Variants in JAKMIP3 observed in about 807,000 individuals in gnomAD.
JAKMIP3 encodes Janus kinase and microtubule interacting protein 3, also known as janus kinase and microtubule-interacting protein 3.
A neutral mutation model predicts 118.5 loss-of-function variants in JAKMIP3; 58 were observed. That is an observed-to-expected ratio of 0.49 (90% CI 0.40 to 0.61). The LOEUF (loss-of-function observed/expected upper bound fraction) is 0.61. Ranked by LOEUF, JAKMIP3 falls within the 20% of genes least tolerant of loss-of-function variation. JAKMIP3 has a pLI of 0.00. For synonymous variants in JAKMIP3, 486 were observed against 451.2 expected (o/e 1.08, Z -0.98); for missense variants, 950 against 1,109.0 (o/e 0.86, Z 2.04).
At chr10:132,045,560 G>A (rs2037883323) in intron 1 of JAKMIP3, among the ~76,000 whole-genome samples, 1 of 152,174 alleles carries the variant, frequency 6.6e-6, no homozygotes. Context: ...TGTCGAGAGG[G>A]AAGTGTACTG....
rs772668322 is a variant in JAKMIP3, at chr10:132,163,278, C to G, written c.2290C>G (p.Leu764Val). The change falls in exon 20 of 24, where the codon CTG becomes GTG. Residue 764 changes from leucine (L) to valine (V), a missense_variant. Coordinates refer to ENST00000684848, the MANE Select transcript of JAKMIP3 (RefSeq NM_001323087.2). ...GGAGGCCGGGGCTAAGGTGGCTGAG[C>G]TGCTGTCAGAGGAGGAGCGCGAGAA... is the stretch of plus-strand genomic sequence containing the variant. ...QQEAGAKVAE[L>V]LSEEEREKLK... is the part of the protein sequence containing the mutation. 1.3e-6 allele frequency: 2 copies of G among 1,596,268 alleles called. No homozygotes were observed. Among genetic ancestry groups the G allele is most frequent in the Non-Finnish European group, 8.5e-7 (1 of 1,172,446 alleles).
Position 132,109,133 on chromosome 10 carries a change from C to T in JAKMIP3, c.135+4190C>T, listed in dbSNP as rs866091310. Among the ~76,000 whole-genome samples the T allele has an allele frequency of 2.5e-3, 293 of 117,240 alleles. 2 individuals carry two copies. Among genetic ancestry groups the T allele is most frequent in the African/African-American group, 8.4e-3 (275 of 32,680 alleles). The allele number at this position is 117,240 out of a possible 152,430, so 76.9% of individuals were successfully genotyped here. A position where few individuals can be genotyped will look rare whatever the true frequency, so the allele number is the denominator to read the frequency against. ...ACACACATATATATATACACACACA[C>T]ATATATATATATATACACACACATA... On this transcript the variant is annotated intron_variant, in intron 2 of 23. Coordinates refer to ENST00000684848, the MANE Select transcript of JAKMIP3 (RefSeq NM_001323087.2).
intron 1 of JAKMIP3, among the ~76,000 whole-genome samples, chr10:132,043,900 G>A (rs1192709545): frequency 2.0e-5 from 3 of 152,236 alleles, no homozygotes; most frequent in African/African-American, 7.2e-5. Flanking sequence ...GCTAGGAATT[G>A]AATCAAGTTG....
At chr10:132,139,687 C>T (rs1351117315) in intron 9 of JAKMIP3, among the ~76,000 whole-genome samples, 1 of 152,174 alleles carries the variant, frequency 6.6e-6, no homozygotes, top group African/African-American at 2.4e-5. Flanking sequence ...CGCCTTGGCC[C>T]TGTGAAGGGA....
In JAKMIP3 at chr10:132,163,272, G is replaced by A. The variant is rs1188073492; in HGVS notation, c.2284G>A (p.Ala762Thr). The change falls in exon 20 of 24, where the codon GCT becomes ACT. Residue 762 changes from alanine (A) to threonine (T), a missense_variant. Physicochemically the swap from Ala to Thr is moderately conservative, Grantham distance 58 (BLOSUM62 0). Transcript: ENST00000684848. ...ALQQEAGAKVAELLSEEEREK... is the reference protein window; with the variant it reads ...ALQQEAGAKVTELLSEEEREK... The stretch of plus-strand genomic sequence containing the variant: ...GCAGCAGGAGGCCGGGGCTAAGGTG[G>A]CTGAGCTGCTGTCAGAGGAGGAGCG... 1 of 1,593,098 alleles carries A rather than the reference G, an allele frequency of 6.3e-7. No individual in the cohort carries two copies. Among genetic ancestry groups the A allele is most frequent in the Non-Finnish European group, 8.5e-7 (1 of 1,170,862 alleles).
Position 132,113,911 on chromosome 10 carries a change from G to A in JAKMIP3, c.136-3166G>A, listed in dbSNP as rs1368847432. On this transcript the variant is annotated intron_variant, in intron 2 of 23. Transcript: ENST00000684848. ...CGTGTGTGAGCCTGTGTCATAGACA[G>A]CGTTACTGTCCCGTCCTTCGCCTCT... Among the ~76,000 whole-genome samples the A allele has an allele frequency of 2.6e-5, 4 of 152,248 alleles. No individual in the cohort carries two copies. In the South Asian group the frequency reaches 8.3e-4, roughly 31 times the overall value.
intron 2 of JAKMIP3, among the ~76,000 whole-genome samples, chr10:132,116,048 C>T (rs2047593047): frequency 6.6e-6 from 1 of 152,240 alleles, no homozygotes. Flanking sequence ...ACCCCCACAG[C>T]GTGTCCTCCC....
rs376023011 is a variant in JAKMIP3 at position 132,153,823 on chromosome 10, A to G, written c.2138A>G (p.Glu713Gly). Reference sequence around the variant, plus strand: ...CGGAAGATGGTGGATCTGGAGAGCGAGAAGGTTGGTGGCACCTTCACCGAG... The same window carrying G: ...CGGAAGATGGTGGATCTGGAGAGCGGGAAGGTTGGTGGCACCTTCACCGAG... ...LQRKMVDLES[E>G]KELFSKQKGY... The change falls in exon 18 of 24, where the codon GAG becomes GGG. Residue 713 changes from glutamate (E) to glycine (G), a missense_variant. Coordinates refer to ENST00000684848, the MANE Select transcript of JAKMIP3 (RefSeq NM_001323087.2). The G allele has an allele frequency of 1.6e-5, 26 of 1,612,902 alleles. No individual in the cohort carries two copies. The African/African-American group carries it at 3.1e-4, about 19-fold the overall frequency.
At chr10:132,073,688 C>T (rs1262421021) in intron 1 of JAKMIP3, among the ~76,000 whole-genome samples, 1 of 151,886 alleles carries the variant, frequency 6.6e-6, no homozygotes, top group African/African-American at 2.4e-5. Context: ...TGTAAAGACT[C>T]GGTTTTACCC....
intron 14 of JAKMIP3, 36 bp downstream of exon 14, chr10:132,148,086 C>T (rs374121577): frequency 2.2e-6 from 3 of 1,372,568 alleles, no homozygotes; most frequent in Non-Finnish European, 3.1e-6. Flanking sequence ...TGGCCTGTGG[C>T]TGTGTCAGGG....
chr10:132,104,322 G>A (rs1454301473), intron 1 of JAKMIP3, among the ~76,000 whole-genome samples: 2 of 152,196 alleles, frequency 1.3e-5, no homozygotes, highest in Admixed American at 1.3e-4. Flanking sequence ...TGCCATTGCC[G>A]CCATGTGGCC....
At chr10:132,105,500 G>T (rs1025849249) in intron 2 of JAKMIP3, among the ~76,000 whole-genome samples, 3 of 151,658 alleles carry the variant, frequency 2.0e-5, no homozygotes, top group Non-Finnish European at 4.4e-5. Context: ...TTGAAGCCTC[G>T]GGAAAGATTG....
chr10:132,124,190 C>T (rs2049069512), intron 3 of JAKMIP3, among the ~76,000 whole-genome samples: 1 of 152,262 alleles, frequency 6.6e-6, no homozygotes, highest in Non-Finnish European at 1.5e-5. Context: ...GATTGCCCCT[C>T]CCGGCAGCAC....
intron 2 of JAKMIP3, among the ~76,000 whole-genome samples, chr10:132,105,495 G>A (rs1201769795): frequency 1.3e-5 from 2 of 150,974 alleles, no homozygotes; most frequent in Non-Finnish European, 2.9e-5. Flanking sequence ...GGCTTTTGAA[G>A]CCTCGGGAAA....
At chr10:132,159,875 G>GC (rs1564982809) in intron 19 of JAKMIP3, among the ~76,000 whole-genome samples, 1 of 10,136 alleles carries the variant, frequency 9.9e-5, no homozygotes, top group Non-Finnish European at 1.7e-4. Context: ...ATGCTGGGGG[G>GC]GTCTCTTCCT....
At chr10:132,095,508 G>A (rs185748612) in intron 1 of JAKMIP3, among the ~76,000 whole-genome samples, 2 of 152,274 alleles carry the variant, frequency 1.3e-5, no homozygotes, top group African/African-American at 4.8e-5. Flanking sequence ...TGTGTTTGGG[G>A]GTGAACGGTC....
intron 11 of JAKMIP3, among the ~76,000 whole-genome samples, chr10:132,142,514 C>T (rs2053734977): frequency 6.6e-6 from 1 of 152,246 alleles, no homozygotes; most frequent in Non-Finnish European, 1.5e-5. Context: ...CCCCCGGCCT[C>T]CCCACTGGGC....
At chr10:132,042,244 C>T (rs1369885372) in intron 1 of JAKMIP3, among the ~76,000 whole-genome samples, 4 of 117,580 alleles carry the variant, frequency 3.4e-5, no homozygotes, top group Admixed American at 2.4e-4. Flanking sequence ...TTCACAGGGT[C>T]TCTGTCACCC....
intron 1 of JAKMIP3, among the ~76,000 whole-genome samples, chr10:132,037,335 C>A (rs1319726431): frequency 6.6e-6 from 1 of 152,158 alleles, no homozygotes; most frequent in East Asian, 1.9e-4. Flanking sequence ...TGAGGTCTGG[C>A]TGGCTGTTTT....
Sources: allele counts gnomAD v4.1 joint callset (sites outside exome capture counted in the v4.1 genomes callset), GRCh38; gene constraint gnomAD v4.1.1; transcripts MANE v1.5; gene names NCBI Gene and HGNC (gene_info 2026-07-23, HGNC 2026-07-21).